SLC38A11: variants seen among roughly 807,000 people sequenced by gnomAD.
SLC38A11 encodes the protein solute carrier family 38 member 11.
SLC38A11 carries 51 observed loss-of-function variants against 49.4 expected under a neutral mutation model. The ratio of observed to expected loss-of-function variants is 1.03; its 90% CI spans 0.83 to 1.30. The LOEUF (loss-of-function observed/expected upper bound fraction) is 1.30, where lower values mean the gene tolerates loss of function less well. SLC38A11 is among the 50% of genes most tolerant of loss of function. SLC38A11 has a pLI of 0.00. For missense variants in SLC38A11, 574 were observed against 556.2 expected (o/e 1.03, Z -0.32); for synonymous variants, 203 against 192.9 (o/e 1.05, Z -0.43).
intron 10 of SLC38A11, 94 bp downstream of exon 10, chr2:164,911,542 G>C: frequency 1.9e-6 from 1 of 533,410 alleles, no homozygotes. Flanking sequence ...CATGCCCTTG[G>C]GAATTTGCCA....
At chr2:164,909,928 G>A (rs1685282074) in intron 10 of SLC38A11, among the ~76,000 whole-genome samples, 1 of 152,086 alleles carries the variant, frequency 6.6e-6, no homozygotes, top group African/African-American at 2.4e-5. Context: ...GTCTCTCCAA[G>A]TATTATCTTA....
At chr2:164,932,780 TGGGTACTA>T (rs1687096180) in intron 7 of SLC38A11, among the ~76,000 whole-genome samples, 1 of 152,132 alleles carries the variant, frequency 6.6e-6, no homozygotes, top group South Asian at 2.1e-4. Flanking sequence ...AGATAACTAA[TGGGTACTA>T]GGCTTCATAC....
intron 11 of SLC38A11, among the ~76,000 whole-genome samples, chr2:164,905,332 A>G (rs984236024): frequency 6.6e-6 from 1 of 151,894 alleles, no homozygotes; most frequent in Non-Finnish European, 1.5e-5. Flanking sequence ...GGATTTCACC[A>G]TGTTGGCCAA....
intron 7 of SLC38A11, among the ~76,000 whole-genome samples, chr2:164,931,965 C>T (rs1687035887): frequency 1.3e-5 from 2 of 152,050 alleles, no homozygotes; most frequent in African/African-American, 2.4e-5. Context: ...GCAAAAGAAA[C>T]AATCAACAAA....
At chr2:164,939,994 G>GTTT (rs10707733) in intron 5 of SLC38A11, among the ~76,000 whole-genome samples, 3 of 137,282 alleles carry the variant, frequency 2.2e-5, no homozygotes, top group African/African-American at 5.4e-5. Context: ...ATTTTCTAAG[G>GTTT]TTTTTTTTTT....
intron 3 of SLC38A11, among the ~76,000 whole-genome samples, chr2:164,949,034 TA>T (rs911028033): frequency 1.1e-4 from 16 of 151,646 alleles, no homozygotes; most frequent in Admixed American, 7.2e-4. Context: ...GTGGTATAAT[TA>T]TTTTTTTTTT....
At chr2:164,925,147 T>C (rs9679371) in intron 7 of SLC38A11, among the ~76,000 whole-genome samples, 11,824 of 152,294 alleles carry the variant, frequency 0.078, 491 homozygotes, top group Admixed American at 0.11. Context: ...GACACCAGTC[T>C]CTTTTAATTC....
chr2:164,921,554 C>T (rs1460150718), intron 7 of SLC38A11, among the ~76,000 whole-genome samples: 1 of 151,068 alleles, frequency 6.6e-6, no homozygotes, highest in South Asian at 2.1e-4. Flanking sequence ...TGGTCTTGAA[C>T]CACTGGTCTA....
At position 164,905,615 on chromosome 2, in the gene SLC38A11, G is replaced by A. The variant is rs140060582; in HGVS notation, c.1095+3025C>T. 1.7e-3 allele frequency among the ~76,000 whole-genome samples: 266 copies of A among 152,170 alleles called. 1 individual carries two copies. Among genetic ancestry groups the A allele is most frequent in the Non-Finnish European group, 3.3e-3 (221 of 67,986 alleles). On this transcript the variant is annotated intron_variant, in intron 11 of 11. Coordinates refer to ENST00000685975, the MANE Select transcript of SLC38A11 (RefSeq NM_001351537.2). ...TACGTTCTTACGCACACCAAAAGAC[G>A]TACTGATGTGAAAAACACTTATTCT... is the stretch of plus-strand genomic sequence containing the variant.
At chr2:164,935,456 G>A (rs1192121348) in intron 7 of SLC38A11, among the ~76,000 whole-genome samples, 1 of 150,342 alleles carries the variant, frequency 6.7e-6, no homozygotes, top group African/African-American at 2.4e-5. Context: ...GATTGTTTGA[G>A]GTCAGGAGTT....
rs3754959 is a variant in SLC38A11 at position 164,908,631 on chromosome 2, C to A, written c.1095+9G>T. The A allele has an allele frequency of 2.6e-5, 40 of 1,518,418 alleles. No homozygotes were observed. The highest frequency in any genetic ancestry group is 3.2e-5 in the Non-Finnish European group (36 of 1,126,122). The allele number at this position is 1,518,418 out of a possible 1,614,324, so 94.1% of individuals were successfully genotyped here. Reference sequence around the variant, plus strand: ...TAGAGTGAAGGGGTAAATCTTTGCACGTACTCACATTGAGTTCTAGAACTA... The same window carrying A: ...TAGAGTGAAGGGGTAAATCTTTGCAAGTACTCACATTGAGTTCTAGAACTA... On this transcript the variant is annotated intron_variant, in intron 11 of 11. Transcript: ENST00000685975.
intron 5 of SLC38A11, among the ~76,000 whole-genome samples, chr2:164,942,008 T>C (rs1687800877): frequency 6.6e-6 from 1 of 152,170 alleles, no homozygotes; most frequent in African/African-American, 2.4e-5. Flanking sequence ...TTCCACCCGA[T>C]TGTCTCAAGA....
chr2:164,920,526 T>C (rs932493974), intron 7 of SLC38A11, among the ~76,000 whole-genome samples: 2 of 131,034 alleles, frequency 1.5e-5, no homozygotes, highest in African/African-American at 2.6e-5. Context: ...AGGGAGAGGA[T>C]AGTGGGAGAA....
intron 7 of SLC38A11, among the ~76,000 whole-genome samples, chr2:164,931,614 G>A (rs999071425): frequency 2.0e-5 from 3 of 151,738 alleles, no homozygotes; most frequent in Non-Finnish European, 4.4e-5. Context: ...CTAGAATTAG[G>A]GCTGCACAGC....
chr2:164,924,984 G>A (rs1573940490), intron 7 of SLC38A11, among the ~76,000 whole-genome samples: 1 of 152,066 alleles, frequency 6.6e-6, no homozygotes, highest in Admixed American at 6.6e-5. Context: ...CTGACCTCGT[G>A]ATCTGCCCGC....
intron 4 of SLC38A11, 35 bp downstream of exon 4, chr2:164,945,558 C>A (rs372812429): frequency 2.2e-5 from 35 of 1,562,906 alleles, no homozygotes; most frequent in African/African-American, 1.7e-4. Flanking sequence ...TGCTTATGCA[C>A]ATAATTGCAA....
Position 164,897,530 on chromosome 2 carries a change from TCCCAAAGA to T in SLC38A11, c.*899_*906del, listed in dbSNP as rs769498309. 1 of 152,126 alleles carries T rather than the reference TCCCAAAGA, an allele frequency of 6.6e-6. No individual in the cohort carries two copies. The highest frequency in any genetic ancestry group is 1.5e-5 in the Non-Finnish European group (1 of 68,088). 9.4% of individuals were successfully genotyped at this position (152,126 alleles called of 1,614,324 possible). ...TGATAAACTCCATCTCACTATCTGCTCCCAAAGACCCAGTCAACAAGAGCTCCCAGAAA... is the reference window on the plus strand; with the variant it reads ...TGATAAACTCCATCTCACTATCTGCTCCCAGTCAACAAGAGCTCCCAGAAA... On this transcript the variant is annotated 3_prime_UTR_variant, in exon 12 of 12. Transcript: ENST00000685975.
intron 8 of SLC38A11, 98 bp downstream of exon 8, chr2:164,915,805 A>T: frequency 2.3e-6 from 2 of 871,336 alleles, no homozygotes; most frequent in Non-Finnish European, 3.6e-6. Context: ...TCTAAAACTT[A>T]GGACATCTGC....
intron 7 of SLC38A11, among the ~76,000 whole-genome samples, chr2:164,922,936 C>A (rs1439137086): frequency 6.6e-6 from 1 of 152,184 alleles, no homozygotes; most frequent in African/African-American, 2.4e-5. Context: ...CTACAACCAT[C>A]TGGTCTTTGA....
Sources: gnomAD v4.1 joint callset for allele counts (sites outside exome capture counted in the v4.1 genomes callset) on GRCh38, gnomAD v4.1.1 for gene constraint, MANE v1.5 for transcripts, NCBI Gene and HGNC (gene_info 2026-07-23, HGNC 2026-07-21) for gene names.